RAP1A: variants seen among roughly 807,000 people sequenced by gnomAD.
RAP1A encodes the protein RAP1A, member of RAS oncogene family.
Under a neutral mutation model 26.4 loss-of-function variants are expected in RAP1A, and 6 were observed. The observed-to-expected ratio is 0.23, with a 90% CI of 0.12 to 0.45. The LOEUF is 0.45. Ranked by LOEUF, RAP1A falls within the 20% of genes least tolerant of loss-of-function variation. The pLI is 0.99. For synonymous variants in RAP1A, 73 were observed against 79.4 expected (o/e 0.92, Z 0.43); for missense variants, 121 against 217.2 (o/e 0.56, Z 2.78).
chr1:111,617,390 T>G (rs1659034936), upstream of RAP1A, among the ~76,000 whole-genome samples: 1 of 152,154 alleles, frequency 6.6e-6, no homozygotes, highest in Admixed American at 6.5e-5. Flanking sequence ...TTCTCACCTA[T>G]TTGAGGACAC....
chr1:111,691,378 A>G lies in RAP1A; in HGVS notation c.18A>G (p.Leu6=), dbSNP rs1395510229. Residue 6 remains leucine (L), a synonymous_variant, in exon 2 of 8, where the codon CTA becomes CTG. Transcript: ENST00000369709. MREYK[L]VVLGSGGVGK... ...ATCACATCATGCGTGAGTACAAGCTAGTGGTCCTTGGTTCAGGAGGCGTTG... is the reference window on the plus strand; with the variant it reads ...ATCACATCATGCGTGAGTACAAGCTGGTGGTCCTTGGTTCAGGAGGCGTTG... The G allele has an allele frequency of 1.9e-6, 3 of 1,613,598 alleles. No homozygotes were observed. In the Admixed American group the frequency reaches 5.0e-5, roughly 27 times the overall value.
intron 1 of RAP1A, among the ~76,000 whole-genome samples, chr1:111,610,405 A>G (rs967207299): frequency 1.3e-4 from 20 of 152,168 alleles, no homozygotes; most frequent in African/African-American, 4.3e-4. Context: ...TGTGTTTTCT[A>G]CTTTTCGGAC....
intron 1 of RAP1A, among the ~76,000 whole-genome samples, chr1:111,613,630 C>T (rs531088962): frequency 1.3e-5 from 2 of 152,174 alleles, no homozygotes; most frequent in African/African-American, 2.4e-5. Context: ...TAGTACATAG[C>T]TTATACCTCA....
chr1:111,549,346 C>G (rs1443191649), intron 1 of RAP1A, among the ~76,000 whole-genome samples: 2 of 125,672 alleles, frequency 1.6e-5, no homozygotes, highest in Admixed American at 8.6e-5. Context: ...TCCTTTTTTT[C>G]CCCCTTTTAA....
rs568283815 is a variant in RAP1A, at chr1:111,607,794, C to A, written c.-28+65285C>A. 1.0e-4 allele frequency among the ~76,000 whole-genome samples: 14 copies of A among 134,102 alleles called. 1 individual carries two copies. The highest frequency in any genetic ancestry group is 3.5e-4 in the African/African-American group (12 of 34,554). The allele number at this position is 134,102 out of a possible 152,430, so 88.0% of individuals were successfully genotyped here. On this transcript the variant is annotated intron_variant, in intron 1 of 7. Coordinates refer to the RAP1A transcript ENST00000356415. ...GCAGAGGCGCCCCTCACCTCCCGGA[C>A]GGGGCGGCTGGCCGGGCGGGGGGCT...
chr1:111,704,491 C>T lies in RAP1A; in HGVS notation c.468+5C>T. 1 of 1,608,922 alleles carries T rather than the reference C, an allele frequency of 6.2e-7. No homozygotes were observed. ...TCAAAGATCAATGTTAATGAGGTAA[C>T]CTACAACTGCTGGGCAGCACAAACA... On this transcript the variant is annotated splice_donor_5th_base_variant and intron_variant, in intron 6 of 7. Coordinates refer to ENST00000369709, the MANE Select transcript of RAP1A (RefSeq NM_002884.4).
intron 1 of RAP1A, among the ~76,000 whole-genome samples, chr1:111,671,430 A>G (rs1295020295): frequency 6.6e-6 from 1 of 152,226 alleles, no homozygotes; most frequent in African/African-American, 2.4e-5. Flanking sequence ...GCTATTCATA[A>G]AAAGTTTGCC....
chr1:111,665,270 A>G (rs981746702), intron 1 of RAP1A, among the ~76,000 whole-genome samples: 1 of 152,164 alleles, frequency 6.6e-6, no homozygotes. Flanking sequence ...AATTATTCCA[A>G]ATTTATACTT....
At chr1:111,696,752 A>G (rs1401670372) in intron 3 of RAP1A, among the ~76,000 whole-genome samples, 1 of 152,228 alleles carries the variant, frequency 6.6e-6, no homozygotes, top group Non-Finnish European at 1.5e-5. Context: ...CACACAGTTG[A>G]TAGTTGATAC....
chr1:111,550,903 C>T (rs1557846003), intron 1 of RAP1A, among the ~76,000 whole-genome samples: 1 of 150,086 alleles, frequency 6.7e-6, no homozygotes, highest in Non-Finnish European at 1.5e-5. Context: ...TGGAGAATGT[C>T]CCATATTGTT....
At chr1:111,700,742 T>C (rs1661996549) in intron 4 of RAP1A, among the ~76,000 whole-genome samples, 1 of 152,228 alleles carries the variant, frequency 6.6e-6, no homozygotes, top group Admixed American at 6.5e-5. Context: ...CCTGGGTCTT[T>C]CCAGTCTTTC....
At chr1:111,634,516 T>C (rs1659667185) in intron 1 of RAP1A, among the ~76,000 whole-genome samples, 1 of 149,172 alleles carries the variant, frequency 6.7e-6, no homozygotes, top group African/African-American at 2.5e-5. Context: ...GTTATAGATA[T>C]TTTATTATAT....
At chr1:111,638,481 C>G (rs970793480) in intron 1 of RAP1A, among the ~76,000 whole-genome samples, 2 of 151,672 alleles carry the variant, frequency 1.3e-5, no homozygotes, top group African/African-American at 4.8e-5. Context: ...TTAATCCTAC[C>G]CCCGGGCTAG....
At chr1:111,688,197 G>C (rs530693059) in intron 1 of RAP1A, among the ~76,000 whole-genome samples, 1 of 147,224 alleles carries the variant, frequency 6.8e-6, no homozygotes, top group East Asian at 2.0e-4. Context: ...TATCGTTGTA[G>C]GTTGACCAGT....
intron 1 of RAP1A, among the ~76,000 whole-genome samples, chr1:111,590,449 A>T (rs554150098): frequency 1.3e-5 from 2 of 152,218 alleles, no homozygotes; most frequent in South Asian, 4.1e-4. Context: ...AAGTTAGGGA[A>T]TTTCCCTCTG....
intron 6 of RAP1A, among the ~76,000 whole-genome samples, chr1:111,708,192 T>C (rs1662257783): frequency 6.6e-6 from 1 of 152,056 alleles, no homozygotes; most frequent in East Asian, 1.9e-4. Flanking sequence ...ACAAACAAAC[T>C]AAAAACCACA....
chr1:111,552,084 T>C (rs995534283), intron 1 of RAP1A, among the ~76,000 whole-genome samples: 1 of 152,244 alleles, frequency 6.6e-6, no homozygotes, highest in African/African-American at 2.4e-5. Context: ...ATTGTCTCAG[T>C]AGCAAAGGCT....
At chr1:111,652,265 C>T (rs1405129432) in intron 1 of RAP1A, among the ~76,000 whole-genome samples, 1 of 152,208 alleles carries the variant, frequency 6.6e-6, no homozygotes, top group Non-Finnish European at 1.5e-5. Context: ...TGACCCAGTT[C>T]AAGTATTTTT....
chr1:111,559,274 G>A (rs1019795509), intron 1 of RAP1A, among the ~76,000 whole-genome samples: 1 of 151,968 alleles, frequency 6.6e-6, no homozygotes, highest in Non-Finnish European at 1.5e-5. Flanking sequence ...CAAGAAATTA[G>A]GACTAAAGCA....
Sources: allele counts gnomAD v4.1 joint callset (sites outside exome capture counted in the v4.1 genomes callset), GRCh38; gene constraint gnomAD v4.1.1; transcripts MANE v1.5; gene names NCBI Gene and HGNC (gene_info 2026-07-23, HGNC 2026-07-21).